Variants in GABRB1 observed in about 807,000 individuals in gnomAD.
The protein encoded by GABRB1 is gamma-aminobutyric acid receptor subunit beta-1.
A neutral mutation model predicts 51.6 loss-of-function variants in GABRB1; 17 were observed. That is an observed-to-expected ratio of 0.33 (90% CI 0.23 to 0.49). The LOEUF is 0.49. Ranked by LOEUF, GABRB1 falls within the 20% of genes least tolerant of loss-of-function variation. The pLI is 0.99. For synonymous variants in GABRB1, 247 were observed against 218.9 expected (o/e 1.13, Z -1.14); for missense variants, 410 against 600.6 (o/e 0.68, Z 3.32).
chr4:47,256,545 A>T (rs542265265), intron 4 of GABRB1, among the ~76,000 whole-genome samples: 54 of 152,330 alleles, frequency 3.5e-4, no homozygotes, highest in Non-Finnish European at 4.4e-4. Context: ...GAGACTGGAT[A>T]ATCTATAAAG....
At chr4:47,352,401 C>T (rs1237378470) in intron 5 of GABRB1, among the ~76,000 whole-genome samples, 1 of 152,168 alleles carries the variant, frequency 6.6e-6, no homozygotes, top group Non-Finnish European at 1.5e-5. Context: ...AGAGAATCCT[C>T]CCGAACTCAT....
chr4:47,279,211 CT>C (rs1723190456), intron 4 of GABRB1, among the ~76,000 whole-genome samples: 1 of 152,024 alleles, frequency 6.6e-6, no homozygotes. Context: ...TCTCTTAAAC[CT>C]TTCACTTTTT....
rs577517079 is a variant in GABRB1, at chr4:47,403,421, C to T, written c.648C>T (p.Tyr216=). Residue 216 remains tyrosine, a synonymous_variant, in exon 6 of 9, where the codon TAC becomes TAT. Coordinates refer to ENST00000295454, the MANE Select transcript of GABRB1 (RefSeq NM_000812.4). ...IELPQFSIVD[Y]KMVSKKVEFT... is the part of the protein sequence containing the mutation. Reference sequence around the variant, plus strand: ...TTCCTCAATTTTCAATTGTTGACTACAAGATGGTGTCTAAGAAGGTGGAGT... The same window carrying T: ...TTCCTCAATTTTCAATTGTTGACTATAAGATGGTGTCTAAGAAGGTGGAGT... The T allele has an allele frequency of 2.5e-6, 4 of 1,613,994 alleles. No homozygotes were observed. The African/African-American group carries it at 5.3e-5, about 22-fold the overall frequency.
intron 4 of GABRB1, among the ~76,000 whole-genome samples, chr4:47,209,244 C>T (rs1199640193): frequency 6.6e-6 from 1 of 152,084 alleles, no homozygotes. Flanking sequence ...ACAGGGCTGA[C>T]CACCGTCACT....
upstream of GABRB1, chr4:47,031,545 C>A (rs80151988): frequency 4.6e-6 from 4 of 872,964 alleles, no homozygotes; most frequent in Admixed American, 3.8e-5. Context: ...GTAGTGAGCG[C>A]GCTCTGCGCA....
intron 1 of GABRB1, among the ~76,000 whole-genome samples, chr4:47,019,625 C>CTCTT (rs1157555893): frequency 0.11 from 10,395 of 90,920 alleles, 710 homozygotes; most frequent in Middle Eastern, 0.22. Context: ...TTCTTTCTCT[C>CTCTT]TCTTTCTTTC....
At chr4:47,208,685 G>A (rs914699108) in intron 4 of GABRB1, among the ~76,000 whole-genome samples, 2 of 152,046 alleles carry the variant, frequency 1.3e-5, no homozygotes, top group African/African-American at 4.8e-5. Flanking sequence ...GCTCTTCATG[G>A]AGAGGTTGAT....
At chr4:47,337,513 G>T (rs1174025807) in intron 5 of GABRB1, among the ~76,000 whole-genome samples, 1 of 151,952 alleles carries the variant, frequency 6.6e-6, no homozygotes, top group Non-Finnish European at 1.5e-5. Context: ...AATAAGGAAT[G>T]CATAGATCTG....
intron 5 of GABRB1, among the ~76,000 whole-genome samples, chr4:47,344,123 C>G (rs1211282789): frequency 6.6e-6 from 1 of 152,172 alleles, no homozygotes; most frequent in African/African-American, 2.4e-5. Context: ...AATTTGAAGG[C>G]TCACTGAGGG....
intron 1 of GABRB1, among the ~76,000 whole-genome samples, chr4:47,020,478 A>C (rs1191651994): frequency 6.6e-6 from 1 of 152,136 alleles, no homozygotes. Flanking sequence ...TAAACTCAAC[A>C]TGTTTGAAAT....
intron 3 of GABRB1, among the ~76,000 whole-genome samples, chr4:47,144,006 T>C (rs1467492089): frequency 6.6e-6 from 1 of 151,952 alleles, no homozygotes; most frequent in Non-Finnish European, 1.5e-5. Flanking sequence ...ATACTTTTCA[T>C]TGATGGTATT....
At chr4:47,358,004 A>G (rs1208414908) in intron 5 of GABRB1, among the ~76,000 whole-genome samples, 1 of 152,152 alleles carries the variant, frequency 6.6e-6, no homozygotes, top group African/African-American at 2.4e-5. Context: ...TGCTTCAGAA[A>G]CACTTTTCTC....
intron 4 of GABRB1, among the ~76,000 whole-genome samples, chr4:47,199,404 G>A (rs1427700156): frequency 3.3e-5 from 5 of 152,120 alleles, no homozygotes; most frequent in Non-Finnish European, 7.4e-5. Flanking sequence ...GATCCCCTTA[G>A]CTATCTTAGC....
chr4:47,148,765 G>A (rs1321932964), intron 3 of GABRB1, among the ~76,000 whole-genome samples: 1 of 151,548 alleles, frequency 6.6e-6, no homozygotes, highest in East Asian at 1.9e-4. Context: ...GGACATCATG[G>A]CAGCAGAGTT....
chr4:47,091,046 AC>A (rs1187002686), intron 3 of GABRB1, among the ~76,000 whole-genome samples: 4 of 123,768 alleles, frequency 3.2e-5, no homozygotes, highest in African/African-American at 6.0e-5. Context: ...CCCCCATCCC[AC>A]CCCTTCCCCC....
At chr4:47,152,100 T>A (rs1050011721) in intron 3 of GABRB1, among the ~76,000 whole-genome samples, 2 of 152,038 alleles carry the variant, frequency 1.3e-5, no homozygotes, top group Non-Finnish European at 2.9e-5. Flanking sequence ...TTTTCAGGAA[T>A]TATAGACTCA....
At chr4:47,003,340 G>A (rs1424358444) in intron 1 of GABRB1, among the ~76,000 whole-genome samples, 1 of 152,092 alleles carries the variant, frequency 6.6e-6, no homozygotes, top group Non-Finnish European at 1.5e-5. Context: ...TTTGCCTAAT[G>A]GTTTCTTTTC....
At chr4:47,419,342 C>A (rs1459686750) in intron 8 of GABRB1, among the ~76,000 whole-genome samples, 1 of 152,152 alleles carries the variant, frequency 6.6e-6, no homozygotes, top group Non-Finnish European at 1.5e-5. Flanking sequence ...GTGAGCCCCT[C>A]TAAGACTTGT....
At chr4:47,347,690 T>C (rs557424066) in intron 5 of GABRB1, among the ~76,000 whole-genome samples, 23 of 152,238 alleles carry the variant, frequency 1.5e-4, no homozygotes, top group African/African-American at 5.5e-4. Flanking sequence ...ATTTTTAGAG[T>C]CCATTATAAG....
Sources: gnomAD v4.1 joint callset for allele counts (sites outside exome capture counted in the v4.1 genomes callset) on GRCh38, gnomAD v4.1.1 for gene constraint, MANE v1.5 for transcripts, NCBI Gene and HGNC (gene_info 2026-07-23, HGNC 2026-07-21) for gene names.